The following PCDHGA10 variants were observed in gnomAD, a reference collection of about 807,000 sequenced individuals.
PCDHGA10 encodes protocadherin gamma-A10.
In PCDHGA10, 42 loss-of-function variants were observed where a neutral mutation model predicts 59.5. The ratio of observed to expected loss-of-function variants is 0.71; its 90% CI spans 0.55 to 0.91. PCDHGA10 has a LOEUF of 0.91. PCDHGA10 is among the 40% of genes least tolerant of loss of function. PCDHGA10 has a pLI of 0.00. For synonymous variants in PCDHGA10, 511 were observed against 517.2 expected (o/e 0.99, Z 0.16); for missense variants, 1,111 against 1,198.2 (o/e 0.93, Z 1.07).
In PCDHGA10 at chr5:141,511,364, T is replaced by C. The variant is rs115159796; in HGVS notation, c.*191T>C. The C allele has an allele frequency of 4.6e-4, 610 of 1,317,098 alleles. 5 individuals are homozygous for C. In the African/African-American group the frequency reaches 7.1e-3, roughly 15 times the overall value. The allele number at this position is 1,317,098 out of a possible 1,614,324, so 81.6% of individuals were successfully genotyped here. On this transcript the variant is annotated 3_prime_UTR_variant, in exon 4 of 4. Coordinates refer to ENST00000398610, the MANE Select transcript of PCDHGA10 (RefSeq NM_018913.3). ...ACCCCTTCCCCCCCAGGGGGTTGAA[T>C]ATGCAAAAGCAGTTCCGCTGGGAAC...
chr5:141,422,078 A>G lies in PCDHGA10; in HGVS notation c.2436+6467A>G, dbSNP rs1442545718. 11 of 1,612,298 alleles carry G rather than the reference A, an allele frequency of 6.8e-6. No homozygotes were observed. In the South Asian group the frequency reaches 8.8e-5, roughly 13 times the overall value. Reference sequence around the variant, plus strand: ...GGGGAAGTAATGTATTCATTTCGGAACATGGAAAGCAAGGCTTCTGAAATA... The same window carrying G: ...GGGGAAGTAATGTATTCATTTCGGAGCATGGAAAGCAAGGCTTCTGAAATA... On this transcript the variant is annotated intron_variant, in intron 1 of 3. Coordinates refer to ENST00000398610, the MANE Select transcript of PCDHGA10 (RefSeq NM_018913.3).
Position 141,491,029 on chromosome 5 carries a change from G to T in PCDHGA10, c.2437-3778G>T. 1 of 1,614,172 alleles carries T rather than the reference G, an allele frequency of 6.2e-7. No homozygotes were observed. The highest frequency in any genetic ancestry group is 1.1e-5 in the South Asian group (1 of 91,088). On this transcript the variant is annotated intron_variant, in intron 1 of 3. Coordinates refer to ENST00000398610, the MANE Select transcript of PCDHGA10 (RefSeq NM_018913.3). The surrounding 1 kb of genome is among the most constrained non-coding windows in gnomAD (Gnocchi z 6.9). ...GGTCACCAAGGTGACAGCCGTGGAT[G>T]CTGATGCAGGCCACAATGCGTGGCT...
At chr5:141,441,127 G>A (rs1224106490) in intron 1 of PCDHGA10, 2 of 152,138 alleles carry the variant, frequency 1.3e-5, no homozygotes, top group African/African-American at 2.4e-5. Context: ...AGTTGAGACC[G>A]AATTTCTAGA....
intron 1 of PCDHGA10, among the ~76,000 whole-genome samples, chr5:141,444,503 T>C (rs2098438734): frequency 6.6e-6 from 1 of 152,088 alleles, no homozygotes; most frequent in Non-Finnish European, 1.5e-5. Flanking sequence ...AATACTTTGC[T>C]CTAGCAGTAT....
intron 1 of PCDHGA10, chr5:141,433,307 C>T (rs982853368): frequency 2.2e-6 from 2 of 913,640 alleles, no homozygotes; most frequent in Admixed American, 2.7e-5. Context: ...AATTATCCCA[C>T]CTTTGCCTCC....
Position 141,489,140 on chromosome 5 carries a change from G to A in PCDHGA10, c.2437-5667G>A. ...CCTCCGAGCAGTTTTTAAGAGGCTG[G>A]AAGGAGACATAAGAGACTTCAGCTG... is the stretch of plus-strand genomic sequence containing the variant. On this transcript the variant is annotated intron_variant, in intron 1 of 3. Transcript: ENST00000398610. The surrounding 1 kb of genome is among the most constrained non-coding windows in gnomAD (Gnocchi z 4.5). The A allele has an allele frequency of 1.2e-6, 1 of 841,390 alleles. No individual in the cohort carries two copies. Among genetic ancestry groups the A allele is most frequent in the South Asian group, 2.1e-5 (1 of 47,082 alleles). The allele number at this position is 841,390 out of a possible 1,614,324, so 52.1% of individuals were successfully genotyped here.
rs1461617825 is a variant in PCDHGA10, at chr5:141,431,902, G to A, written c.2436+16291G>A. On this transcript the variant is annotated intron_variant, in intron 1 of 3. Coordinates refer to ENST00000398610, the MANE Select transcript of PCDHGA10 (RefSeq NM_018913.3). This position sits in a 1 kb window ranked among gnomAD's most constrained non-coding sequence, Gnocchi z 4.8. ...ACCAAGATTCTGAGGAAAACGGACA[G>A]GTGATCTGTTTCATCCAAGGAAATC... 1.2e-6 allele frequency: 2 copies of A among 1,613,764 alleles called. No homozygotes were observed. The highest frequency in any genetic ancestry group is 1.3e-5 in the African/African-American group (1 of 74,918).
Position 141,414,386 on chromosome 5 carries a change from G to A in PCDHGA10, c.1211G>A (p.Ser404Asn), listed in dbSNP as rs746637010. Residue 404 changes from serine to asparagine, a missense_variant, in exon 1 of 4, where the codon AGT becomes AAT. Ser to Asn is a conservative substitution (Grantham distance 46, BLOSUM62 1). Transcript: ENST00000398610. ...TTTAAATTAGAAAAGTCCATTGACA[G>A]TTATTACAGATTGGTGATACACAGA... is the stretch of plus-strand genomic sequence containing the variant. ...LPFKLEKSID[S>N]YYRLVIHRAL... The A allele has an allele frequency of 1.9e-6, 3 of 1,613,906 alleles. No homozygotes were observed. The Admixed American group carries it at 5.0e-5, about 27-fold the overall frequency.
In PCDHGA10 at chr5:141,494,676, C is replaced by T. The variant is rs2099755997; in HGVS notation, c.2437-131C>T. On this transcript the variant is annotated intron_variant, in intron 1 of 3. Transcript: ENST00000398610. ...TTTGTCTTTGGAGATGAGTCCACCCCTGCCCCCTCTTAGTCCGTTTTCTTC... is the reference window on the plus strand; with the variant it reads ...TTTGTCTTTGGAGATGAGTCCACCCTTGCCCCCTCTTAGTCCGTTTTCTTC... 1.7e-5 allele frequency: 26 copies of T among 1,550,800 alleles called. No individual in the cohort carries two copies. In the South Asian group the frequency reaches 3.0e-4, roughly 18 times the overall value.
chr5:141,506,935 G>A (rs1375246477), intron 3 of PCDHGA10, among the ~76,000 whole-genome samples: 3 of 152,116 alleles, frequency 2.0e-5, no homozygotes, highest in African/African-American at 7.2e-5. Context: ...AACTTTAGGG[G>A]CCTCCTGTCA....
At chr5:141,449,531 G>A (rs1421489293) in intron 1 of PCDHGA10, among the ~76,000 whole-genome samples, 2 of 149,216 alleles carry the variant, frequency 1.3e-5, no homozygotes, top group Admixed American at 6.7e-5. Flanking sequence ...GGAGGTTGCA[G>A]TGAGCCGAGA....
chr5:141,483,661 T>TGTGTGA (rs1357903548), intron 1 of PCDHGA10, among the ~76,000 whole-genome samples: 7 of 152,042 alleles, frequency 4.6e-5, no homozygotes, highest in African/African-American at 1.7e-4. Context: ...TGTGTGTGTG[T>TGTGTGA]GTGTGTGTAA....
chr5:141,468,814 C>G (rs2099180978), intron 1 of PCDHGA10, among the ~76,000 whole-genome samples: 1 of 151,814 alleles, frequency 6.6e-6, no homozygotes, highest in African/African-American at 2.4e-5. Context: ...TGCAGTGAGC[C>G]AAGATCAAGC....
rs2099710219 is a variant in PCDHGA10, at chr5:141,491,289, C to A, written c.2437-3518C>A. On this transcript the variant is annotated intron_variant, in intron 1 of 3. Transcript: ENST00000398610. The surrounding 1 kb of genome is among the most constrained non-coding windows in gnomAD (Gnocchi z 6.9). The stretch of plus-strand genomic sequence containing the variant: ...CCAAATCCAGTGACTTCCTCATACA[C>A]CCTCCTGAGCGTTCAGACCTTACCC... 1 of 1,614,112 alleles carries A rather than the reference C, an allele frequency of 6.2e-7. No homozygotes were observed. Among genetic ancestry groups the A allele is most frequent in the Non-Finnish European group, 8.5e-7 (1 of 1,179,942 alleles).
At chr5:141,416,530 G>A (rs976560428) in intron 1 of PCDHGA10, 2 of 152,160 alleles carry the variant, frequency 1.3e-5, no homozygotes, top group Non-Finnish European at 2.9e-5. Flanking sequence ...GCTCTTTAAT[G>A]TATAAGGAGG....
intron 1 of PCDHGA10, among the ~76,000 whole-genome samples, chr5:141,469,951 T>C (rs1467717372): frequency 6.6e-6 from 1 of 152,034 alleles, no homozygotes; most frequent in African/African-American, 2.4e-5. Flanking sequence ...GCCAGCATGG[T>C]GAAACCCCAT....
rs774505854 is a variant in PCDHGA10 at position 141,490,507 on chromosome 5, G to A, written c.2437-4300G>A. The A allele has an allele frequency of 5.6e-6, 9 of 1,613,898 alleles. No individual in the cohort carries two copies. The highest frequency in any genetic ancestry group is 4.0e-5 in the African/African-American group (3 of 74,868). ...GGAGGCCACATCCCACTATATCATC[G>A]AGCTGCTGGCCAGCGATGCTGGTTC... On this transcript the variant is annotated intron_variant, in intron 1 of 3. Transcript: ENST00000398610. This position sits in a 1 kb window ranked among gnomAD's most constrained non-coding sequence, Gnocchi z 5.4.
chr5:141,441,362 G>A (rs1489202253), intron 1 of PCDHGA10: 1 of 152,484 alleles, frequency 6.6e-6, no homozygotes, highest in Non-Finnish European at 1.5e-5. Context: ...AACAAATGGG[G>A]CCGTGGACCA....
intron 1 of PCDHGA10, chr5:141,419,434 G>A (rs372006900): frequency 2.5e-5 from 41 of 1,613,112 alleles, no homozygotes; most frequent in Non-Finnish European, 3.3e-5. Flanking sequence ...ACGAGCAGCT[G>A]CGCACCTTCG....
Sources: gnomAD v4.1 joint callset for allele counts (sites outside exome capture counted in the v4.1 genomes callset) on GRCh38, gnomAD v4.1.1 for gene constraint, Gnocchi (gnomAD v3.1) non-coding constraint, MANE v1.5 for transcripts, NCBI Gene and HGNC (gene_info 2026-07-23, HGNC 2026-07-21) for gene names.